The following RIPOR2 variants were observed in gnomAD, a reference collection of about 807,000 sequenced individuals.
RIPOR2 encodes the protein rho family-interacting cell polarization regulator 2.
A neutral mutation model predicts 114.5 loss-of-function variants in RIPOR2; 39 were observed. That is an observed-to-expected ratio of 0.34 (90% CI 0.26 to 0.44). The LOEUF (loss-of-function observed/expected upper bound fraction) is 0.44, where lower values mean the gene tolerates loss of function less well. Ranked by LOEUF, RIPOR2 falls within the 20% of genes least tolerant of loss-of-function variation. RIPOR2 has a pLI of 1.00. For synonymous variants in RIPOR2, 445 were observed against 484.4 expected, an observed-to-expected ratio of 0.92 and a Z score of 1.07; for missense variants, 1,007 against 1,255.1, an observed-to-expected ratio of 0.80 and a Z score of 2.99.
chr6:24,993,951 A>G (rs1365239936), intron 1 of RIPOR2, among the ~76,000 whole-genome samples: 1 of 152,208 alleles, frequency 6.6e-6, no homozygotes, highest in Non-Finnish European at 1.5e-5. Flanking sequence ...TAAATTTTTA[A>G]CAGACTATTT....
intron 1 of RIPOR2, chr6:25,024,456 A>G (rs1265421007): frequency 2.3e-5 from 21 of 896,296 alleles, no homozygotes; most frequent in Non-Finnish European, 3.5e-5. Flanking sequence ...ACCATAGGCC[A>G]GAACTCTCAT....
intron 12 of RIPOR2, among the ~76,000 whole-genome samples, chr6:24,844,904 C>T (rs767681555): frequency 3.2e-4 from 49 of 151,930 alleles, no homozygotes; most frequent in Non-Finnish European, 6.0e-4. Context: ...GGAATAAGCC[C>T]GGCAAATAAA....
At position 24,806,237 on chromosome 6, in the gene RIPOR2, G is replaced by A. The variant is rs1780762729; in HGVS notation, c.*136C>T. The A allele has an allele frequency of 2.9e-6, 2 of 688,140 alleles. No individual in the cohort carries two copies. Among genetic ancestry groups the A allele is most frequent in the Admixed American group, 5.3e-5 (2 of 37,680 alleles). The allele number at this position is 688,140 out of a possible 1,614,324, so 42.6% of individuals were successfully genotyped here. ...CAAAGTACTGGGATTACAGGCATGA[G>A]CCACTGCACCTGGCCTACATTTTTA... is the stretch of plus-strand genomic sequence containing the variant. On this transcript the variant is annotated 3_prime_UTR_variant, in exon 22 of 22. Transcript: ENST00000643898.
At chr6:24,857,681 A>C (rs1177396851) in intron 8 of RIPOR2, among the ~76,000 whole-genome samples, 1 of 152,228 alleles carries the variant, frequency 6.6e-6, no homozygotes, top group Non-Finnish European at 1.5e-5. Context: ...AAATAATGCA[A>C]GTTTACTAGC....
chr6:24,967,127 A>G (rs1371951587), intron 1 of RIPOR2, among the ~76,000 whole-genome samples: 1 of 152,226 alleles, frequency 6.6e-6, no homozygotes. Flanking sequence ...TAGTGAGTCA[A>G]TCTTTGAAGA....
Position 24,838,998 on chromosome 6 carries a change from G to A in RIPOR2, c.2039+93C>T, listed in dbSNP as rs544442911. The A allele has an allele frequency of 8.5e-6, 9 of 1,062,288 alleles. No homozygotes were observed. The African/African-American group carries it at 1.4e-4, about 17-fold the overall frequency. The allele number at this position is 1,062,288 out of a possible 1,614,324, so 65.8% of individuals were successfully genotyped here. ...TCATGTGGAGAGTTTTATCTTCCTGGAAATGTGTACCAGGTCCCCTCTGAC... is the reference window on the plus strand; with the variant it reads ...TCATGTGGAGAGTTTTATCTTCCTGAAAATGTGTACCAGGTCCCCTCTGAC... On this transcript the variant is annotated intron_variant, in intron 14 of 21. Coordinates refer to ENST00000643898, the MANE Select transcript of RIPOR2 (RefSeq NM_001286445.3).
chr6:24,921,651 G>GCCCCCCCCCCCC (rs143776369), intron 1 of RIPOR2, among the ~76,000 whole-genome samples: 1 of 146,888 alleles, frequency 6.8e-6, no homozygotes, highest in South Asian at 2.2e-4. Flanking sequence ...AACACTTATC[G>GCCCCCCCCCCCC]CCCCCCCCGA....
At chr6:25,011,125 T>C (rs1164144715) in intron 1 of RIPOR2, among the ~76,000 whole-genome samples, 1 of 152,166 alleles carries the variant, frequency 6.6e-6, no homozygotes. Context: ...CAATGACTCA[T>C]TGGAAAAGAA....
chr6:24,974,904 T>G (rs1405603714), intron 1 of RIPOR2, among the ~76,000 whole-genome samples: 2 of 152,132 alleles, frequency 1.3e-5, no homozygotes, highest in Non-Finnish European at 2.9e-5. Context: ...AAACTACATA[T>G]TGTATGAGTT....
At chr6:24,818,967 G>A (rs923773281) in intron 19 of RIPOR2, among the ~76,000 whole-genome samples, 2 of 151,816 alleles carry the variant, frequency 1.3e-5, no homozygotes, top group African/African-American at 4.8e-5. Context: ...AGCTGTTTTT[G>A]ATCCCAGATC....
intron 1 of RIPOR2, among the ~76,000 whole-genome samples, chr6:24,981,015 G>A (rs1456003959): frequency 6.6e-6 from 1 of 152,196 alleles, no homozygotes; most frequent in Non-Finnish European, 1.5e-5. Flanking sequence ...TGTAGGAGAT[G>A]CAAAAACAAG....
At chr6:24,931,404 C>T (rs891418945) in intron 1 of RIPOR2, among the ~76,000 whole-genome samples, 2 of 152,192 alleles carry the variant, frequency 1.3e-5, no homozygotes, top group African/African-American at 4.8e-5. Context: ...AGGAGAGAGG[C>T]TTGGTTCAAA....
At chr6:24,839,832 C>T (rs1340949291) in intron 13 of RIPOR2, 2 of 1,302,438 alleles carry the variant, frequency 1.5e-6, no homozygotes, top group East Asian at 6.2e-5. Flanking sequence ...AAGGCGCTAG[C>T]TATCTAAGGC....
chr6:24,849,578 C>G (rs758764361), intron 11 of RIPOR2, among the ~76,000 whole-genome samples: 1 of 152,074 alleles, frequency 6.6e-6, no homozygotes, highest in Non-Finnish European at 1.5e-5. Flanking sequence ...GGTGACATGA[C>G]CCAGGCTTCT....
intron 1 of RIPOR2, among the ~76,000 whole-genome samples, chr6:24,917,809 G>A (rs1257191480): frequency 6.6e-6 from 1 of 152,180 alleles, no homozygotes; most frequent in Non-Finnish European, 1.5e-5. Context: ...GATTATAGGC[G>A]TGAGCCACCA....
chr6:24,927,245 TCAC>T (rs1205896779), intron 1 of RIPOR2, among the ~76,000 whole-genome samples: 705 of 44,420 alleles, frequency 0.016, 171 homozygotes, highest in African/African-American at 0.024. Flanking sequence ...ACAACTACAA[TCAC>T]CACCACCACC....
intron 1 of RIPOR2, among the ~76,000 whole-genome samples, chr6:24,996,922 C>A (rs1053442131): frequency 6.6e-6 from 1 of 152,246 alleles, no homozygotes; most frequent in African/African-American, 2.4e-5. Flanking sequence ...CGGTACAGAA[C>A]AACTACTTGG....
chr6:24,868,977 T>G, intron 6 of RIPOR2, 117 bp downstream of exon 6: 1 of 580,774 alleles, frequency 1.7e-6, no homozygotes, highest in South Asian at 2.4e-5. Context: ...GCTAGTCAGC[T>G]TAGGAGTCAA....
At chr6:24,890,109 G>C (rs1349019943) in intron 1 of RIPOR2, among the ~76,000 whole-genome samples, 1 of 151,970 alleles carries the variant, frequency 6.6e-6, no homozygotes, top group African/African-American at 2.4e-5. Flanking sequence ...TAGACAGGCT[G>C]GTCTCGAACT....
Sources: gnomAD v4.1 joint callset for allele counts (sites outside exome capture counted in the v4.1 genomes callset) on GRCh38, gnomAD v4.1.1 for gene constraint, MANE v1.5 for transcripts, NCBI Gene and HGNC (gene_info 2026-07-23, HGNC 2026-07-21) for gene names.